Variants in FCHSD2 observed in about 807,000 individuals in gnomAD.
The protein encoded by FCHSD2 is FCH and double SH3 domains 2, also known as F-BAR and double SH3 domains protein 2.
A neutral mutation model predicts 108.1 loss-of-function variants in FCHSD2; 38 were observed. The ratio of observed to expected loss-of-function variants is 0.35; its 90% CI spans 0.27 to 0.46. The LOEUF is 0.46. FCHSD2 is among the 20% of genes least tolerant of loss of function. The pLI is 1.00. For synonymous variants in FCHSD2, 279 were observed against 314.7 expected (o/e 0.89, Z 1.20); for missense variants, 751 against 897.8 (o/e 0.84, Z 2.09).
At chr11:73,019,741 C>G (rs1160211526) in intron 3 of FCHSD2, among the ~76,000 whole-genome samples, 1 of 152,132 alleles carries the variant, frequency 6.6e-6, no homozygotes, top group South Asian at 2.1e-4. Flanking sequence ...AGTAAAGGTC[C>G]TAAATAATAT....
In FCHSD2 at chr11:72,929,190, C is replaced by T. The variant is rs11823266; in HGVS notation, c.706-7240G>A. 7.0e-3 allele frequency among the ~76,000 whole-genome samples: 1,063 copies of T among 152,262 alleles called. 8 individuals carry two copies. Among genetic ancestry groups the T allele is most frequent in the African/African-American group, 0.024 (996 of 41,536 alleles). Reference sequence around the variant, plus strand: ...TAATGCCGCTATAAACATACGTGTGCGTGTGTCTTTATAGCAGCATGATTT... The same window carrying T: ...TAATGCCGCTATAAACATACGTGTGTGTGTGTCTTTATAGCAGCATGATTT... On this transcript the variant is annotated intron_variant, in intron 8 of 19. Coordinates refer to ENST00000409418, the MANE Select transcript of FCHSD2 (RefSeq NM_014824.3).
intron 13 of FCHSD2, among the ~76,000 whole-genome samples, chr11:72,851,089 G>A (rs939323605): frequency 1.8e-5 from 2 of 111,254 alleles, no homozygotes; most frequent in Admixed American, 1.2e-4. Context: ...GCGACACAGC[G>A]TGACTCTGTC....
intron 14 of FCHSD2, 66 bp from the exon 15 acceptor site, chr11:72,843,598 A>G (rs1861033268): frequency 1.9e-6 from 2 of 1,063,438 alleles, no homozygotes; most frequent in Non-Finnish European, 2.9e-6. Context: ...TGAGCTGATC[A>G]TGACAAAAAC....
intron 3 of FCHSD2, among the ~76,000 whole-genome samples, chr11:73,039,388 C>T (rs896974339): frequency 1.3e-5 from 2 of 151,818 alleles, no homozygotes; most frequent in African/African-American, 2.4e-5. Context: ...CATGGTGGGG[C>T]GTGCCTGTAG....
intron 12 of FCHSD2, among the ~76,000 whole-genome samples, chr11:72,880,475 C>T (rs1165013972): frequency 1.3e-5 from 2 of 152,010 alleles, no homozygotes; most frequent in African/African-American, 4.8e-5. Flanking sequence ...TACAAAGGTG[C>T]TAAGAATTTA....
At chr11:73,087,096 C>A (rs767836228) in intron 2 of FCHSD2, among the ~76,000 whole-genome samples, 2 of 152,066 alleles carry the variant, frequency 1.3e-5, no homozygotes, top group Non-Finnish European at 2.9e-5. Context: ...GTTACTGCCC[C>A]TGAAGACCTC....
intron 8 of FCHSD2, among the ~76,000 whole-genome samples, chr11:72,939,939 G>A (rs768774458): frequency 6.6e-6 from 1 of 151,968 alleles, no homozygotes; most frequent in Non-Finnish European, 1.5e-5. Flanking sequence ...TTGTATAACC[G>A]AGTAGTAAAG....
At position 72,993,675 on chromosome 11, in the gene FCHSD2, G is replaced by A. The variant is rs574361740; in HGVS notation, c.388-4578C>T. The stretch of plus-strand genomic sequence containing the variant: ...TCGCAAGGACAAAAAACCAAACACC[G>A]CATGTTCTCACTCATAGGTGGGAAT... On this transcript the variant is annotated intron_variant, in intron 5 of 19. Coordinates refer to ENST00000409418, the MANE Select transcript of FCHSD2 (RefSeq NM_014824.3). Among the ~76,000 whole-genome samples, 429 of 149,694 alleles carry A rather than the reference G, an allele frequency of 2.9e-3. 2 individuals carry two copies. The highest frequency in any genetic ancestry group is 4.8e-3 in the Non-Finnish European group (326 of 67,494).
chr11:72,932,791 T>G (rs1856220674), intron 8 of FCHSD2, among the ~76,000 whole-genome samples: 1 of 152,220 alleles, frequency 6.6e-6, no homozygotes, highest in South Asian at 2.1e-4. Context: ...TGTTTACCAT[T>G]CCATCTTCTG....
At chr11:73,025,519 G>A (rs1388836788) in intron 3 of FCHSD2, among the ~76,000 whole-genome samples, 2 of 151,984 alleles carry the variant, frequency 1.3e-5, no homozygotes, top group Non-Finnish European at 2.9e-5. Context: ...GGGAGATAAT[G>A]AGAAAAAAAT....
intron 2 of FCHSD2, among the ~76,000 whole-genome samples, chr11:73,083,965 C>T (rs1859756928): frequency 6.6e-6 from 1 of 152,120 alleles, no homozygotes; most frequent in Non-Finnish European, 1.5e-5. Flanking sequence ...TGACCTTGGC[C>T]AAGTCATTTG....
At chr11:73,138,301 T>TG (rs1861168304) in intron 2 of FCHSD2, among the ~76,000 whole-genome samples, 1 of 152,218 alleles carries the variant, frequency 6.6e-6, no homozygotes, top group South Asian at 2.1e-4. Flanking sequence ...AACTCAGGAC[T>TG]GTCTGACTGC....
chr11:73,135,614 A>T (rs1353120359), intron 2 of FCHSD2, among the ~76,000 whole-genome samples: 1 of 152,208 alleles, frequency 6.6e-6, no homozygotes, highest in Non-Finnish European at 1.5e-5. Context: ...CTAAAAAGAA[A>T]GTAGACTCTA....
chr11:73,106,691 A>G (rs1490706357), intron 2 of FCHSD2, among the ~76,000 whole-genome samples: 7 of 152,134 alleles, frequency 4.6e-5, no homozygotes, highest in Non-Finnish European at 1.0e-4. Flanking sequence ...TTAGAATACC[A>G]TATTTATGCT....
chr11:72,938,012 G>A (rs1856337476), intron 8 of FCHSD2, among the ~76,000 whole-genome samples: 1 of 152,180 alleles, frequency 6.6e-6, no homozygotes, highest in Non-Finnish European at 1.5e-5. Flanking sequence ...GAGTCTCTAA[G>A]GAGTATGTCT....
rs1454931085 is a variant in FCHSD2, at chr11:72,837,384, A to C, written c.*1407T>G. 6.6e-6 allele frequency: 1 copy of C among 152,468 alleles called. No homozygotes were observed. Among genetic ancestry groups the C allele is most frequent in the Admixed American group, 6.5e-5 (1 of 15,270 alleles). 9.4% of individuals were successfully genotyped at this position (152,468 alleles called of 1,614,324 possible). A position where few individuals can be genotyped will look rare whatever the true frequency, so the allele number is the denominator to read the frequency against. ...ATTTGGCGAGCATTTCAAGTTTTTT[A>C]AGATTCTTAGGAGGGATGGAGTTTT... On this transcript the variant is annotated 3_prime_UTR_variant, in exon 20 of 20. Coordinates refer to ENST00000409418, the MANE Select transcript of FCHSD2 (RefSeq NM_014824.3).
chr11:72,952,688 CA>C (rs1206278997), intron 8 of FCHSD2, among the ~76,000 whole-genome samples: 2 of 151,944 alleles, frequency 1.3e-5, no homozygotes, highest in Admixed American at 1.3e-4. Context: ...AGAGATGAGA[CA>C]TTAAGTTATA....
chr11:73,018,582 C>A (rs1858026106), intron 3 of FCHSD2, among the ~76,000 whole-genome samples: 1 of 150,848 alleles, frequency 6.6e-6, no homozygotes, highest in Non-Finnish European at 1.5e-5. Flanking sequence ...TTAGTTGATA[C>A]CGATAAGATC....
In FCHSD2 at chr11:72,872,131, G is replaced by A. The variant is rs182866364; in HGVS notation, c.1147-4105C>T. Among the ~76,000 whole-genome samples the A allele has an allele frequency of 2.3e-3, 347 of 151,944 alleles. 3 individuals are homozygous for A. The highest frequency in any genetic ancestry group is 3.6e-3 in the Non-Finnish European group (247 of 67,984). The stretch of plus-strand genomic sequence containing the variant: ...GGGTATCATATACGTCTTTATATAA[G>A]ACAATTGGAATTTTTGGCTTAGAGG... On this transcript the variant is annotated intron_variant, in intron 12 of 19. Coordinates refer to ENST00000409418, the MANE Select transcript of FCHSD2 (RefSeq NM_014824.3).
Sources: gnomAD v4.1 joint callset for allele counts (sites outside exome capture counted in the v4.1 genomes callset) on GRCh38, gnomAD v4.1.1 for gene constraint, MANE v1.5 for transcripts, NCBI Gene and HGNC (gene_info 2026-07-23, HGNC 2026-07-21) for gene names.